Variants in HPS5 observed in about 807,000 individuals in gnomAD.
HPS5 encodes BLOC-2 complex member HPS5.
In HPS5, 83 loss-of-function variants were observed where a neutral mutation model predicts 128.0. The ratio of observed to expected loss-of-function variants is 0.65; its 90% CI spans 0.54 to 0.78. The LOEUF (loss-of-function observed/expected upper bound fraction) is 0.78, where lower values mean the gene tolerates loss of function less well. Among genes scored for constraint, HPS5 ranks in the 30% least tolerant of loss-of-function variants. The probability of loss-of-function intolerance (pLI) is 0.00; values close to 1 mark genes in which losing one functional copy is unlikely to be tolerated. For missense variants in HPS5, 1,281 were observed against 1,326.2 expected (o/e 0.97, Z 0.53); for synonymous variants, 475 against 470.2 (o/e 1.01, Z -0.13).
At chr11:18,285,091 T>G (rs1295497845) in intron 20 of HPS5, among the ~76,000 whole-genome samples, 2 of 148,614 alleles carry the variant, frequency 1.3e-5, no homozygotes, top group African/African-American at 5.0e-5. Flanking sequence ...GCCTGAGAAC[T>G]GGGGCTGGCA....
chr11:18,287,447 A>T, intron 18 of HPS5, 88 bp downstream of exon 18: 1 of 1,429,728 alleles, frequency 7.0e-7, no homozygotes, highest in Non-Finnish European at 9.9e-7. Flanking sequence ...TTGGTAATTA[A>T]CAGTACACAA....
intron 4 of HPS5, 29 bp from the exon 5 acceptor site, chr11:18,310,962 GT>G: frequency 2.6e-6 from 4 of 1,568,254 alleles, no homozygotes; most frequent in Non-Finnish European, 3.5e-6. Flanking sequence ...AGAGGCAAAC[GT>G]GGCAACAGTG....
intron 7 of HPS5, 85 bp from the exon 8 acceptor site, chr11:18,305,578 T>C: frequency 9.7e-7 from 1 of 1,036,164 alleles, no homozygotes; most frequent in Middle Eastern, 2.7e-4. Context: ...GGGAAATTTT[T>C]GCCTCCAAAA....
In HPS5 at chr11:18,305,383, T is replaced by A. The variant is rs747270031; in HGVS notation, c.896+39A>T. ...GAAACAGAGATAAAAATCTAAGTAT[T>A]CTTTTTCCCCCCCAGAACTAAGGAA... On this transcript the variant is annotated intron_variant, in intron 8 of 22. Transcript: ENST00000349215. 8.3e-6 allele frequency: 11 copies of A among 1,329,450 alleles called. No homozygotes were observed. The East Asian group carries it at 2.5e-4, about 31-fold the overall frequency. The allele number at this position is 1,329,450 out of a possible 1,614,324, so 82.4% of individuals were successfully genotyped here. A position where few individuals can be genotyped will look rare whatever the true frequency, so the allele number is the denominator to read the frequency against.
intron 19 of HPS5, among the ~76,000 whole-genome samples, chr11:18,285,675 A>T (rs1418186837): frequency 1.3e-5 from 2 of 152,218 alleles, no homozygotes; most frequent in African/African-American, 4.8e-5. Flanking sequence ...AAGCAAAAGA[A>T]ATAAATTCTT....
At chr11:18,305,099 T>G (rs1862197254) in intron 8 of HPS5, among the ~76,000 whole-genome samples, 1 of 152,208 alleles carries the variant, frequency 6.6e-6, no homozygotes, top group South Asian at 2.1e-4. Flanking sequence ...TGTGGCAGAT[T>G]TTGATCTGGG....
At chr11:18,285,688 T>C (rs960603376) in intron 19 of HPS5, among the ~76,000 whole-genome samples, 1 of 152,204 alleles carries the variant, frequency 6.6e-6, no homozygotes, top group Non-Finnish European at 1.5e-5. Flanking sequence ...AAATTCTTTT[T>C]TCTTCTTTTA....
chr11:18,305,389 T>G (rs538145495), intron 8 of HPS5, 33 bp downstream of exon 8: 1 of 1,372,196 alleles, frequency 7.3e-7, no homozygotes, highest in Non-Finnish European at 1.0e-6. Flanking sequence ...GTATTCTTTT[T>G]CCCCCCCAGA....
intron 5 of HPS5, among the ~76,000 whole-genome samples, chr11:18,310,178 C>T (rs1040424162): frequency 1.1e-4 from 16 of 152,170 alleles, no homozygotes; most frequent in Admixed American, 9.2e-4. Flanking sequence ...CTGGAGCATT[C>T]TGTTAGGGTA....
intron 16 of HPS5, among the ~76,000 whole-genome samples, chr11:18,290,096 G>C (rs1464184336): frequency 6.6e-6 from 1 of 152,146 alleles, no homozygotes; most frequent in Non-Finnish European, 1.5e-5. Context: ...CCACTACCAG[G>C]CCAGGCCTAT....
intron 16 of HPS5, among the ~76,000 whole-genome samples, chr11:18,289,037 A>C (rs1368399806): frequency 6.6e-6 from 1 of 152,100 alleles, no homozygotes; most frequent in Non-Finnish European, 1.5e-5. Context: ...ACGTTGCCTA[A>C]GCTGGGCAAG....
At position 18,296,048 on chromosome 11, in the gene HPS5, G is replaced by A; in HGVS notation, c.1585C>T (p.Pro529Ser). The A allele has an allele frequency of 6.2e-7, 1 of 1,613,478 alleles. No homozygotes were observed. Among genetic ancestry groups the A allele is most frequent in the South Asian group, 1.1e-5 (1 of 91,070 alleles). The change falls in exon 13 of 23, where the codon CCA becomes TCA. Residue 529 changes from proline (P) to serine (S), a missense_variant. Coordinates refer to ENST00000349215, the MANE Select transcript of HPS5 (RefSeq NM_181507.2). Reference protein sequence around the residue: ...ETFLPFGIPLPFRSPSPLVSL... With the variant: ...ETFLPFGIPLSFRSPSPLVSL... Reference sequence around the variant, plus strand: ...ACAAGAGGAGATGGAGAACGAAATGGTAATGGAATGCCGAACGGGAGAAAA... The same window carrying A: ...ACAAGAGGAGATGGAGAACGAAATGATAATGGAATGCCGAACGGGAGAAAA...
Position 18,295,167 on chromosome 11 carries a change from A to G in HPS5, c.1637T>C (p.Val546Ala). ...AGTAGTTTTACGCACAAAGCTAGAA[A>G]CACTAGAAGTCAAATAACAAAAAAC... ...LVSLQAVKES[V>A]SSFVRKTTEK... Residue 546 changes from valine (V) to alanine (A), a missense_variant and splice_region_variant, in exon 14 of 23, where the codon GTT (valine) becomes GCT (alanine). Transcript: ENST00000349215. 1 of 1,613,946 alleles carries G rather than the reference A, an allele frequency of 6.2e-7. No homozygotes were observed. The highest frequency in any genetic ancestry group is 2.2e-5 in the East Asian group (1 of 44,878).
At position 18,286,547 on chromosome 11, in the gene HPS5, A is replaced by G. The variant is rs60183714; in HGVS notation, c.2837+44T>C. On this transcript the variant is annotated intron_variant, in intron 19 of 22. Coordinates refer to ENST00000349215, the MANE Select transcript of HPS5 (RefSeq NM_181507.2). Reference sequence around the variant, plus strand: ...ACAGAGTGAGATCCTGTCTCAAAAAAAAAAAGTAAAGAAAAAAACAAAGAA... The same window carrying G: ...ACAGAGTGAGATCCTGTCTCAAAAAGAAAAAGTAAAGAAAAAAACAAAGAA... The G allele has an allele frequency of 7.5e-6, 12 of 1,601,848 alleles. No individual in the cohort carries two copies. The East Asian group carries it at 1.8e-4, about 24-fold the overall frequency.
At chr11:18,288,757 T>TGTGTGTGTGC (rs949761494) in intron 16 of HPS5, among the ~76,000 whole-genome samples, 3 of 151,746 alleles carry the variant, frequency 2.0e-5, no homozygotes, top group African/African-American at 4.8e-5. Context: ...TGTGTGTGTG[T>TGTGTGTGTGC]GCAGCGACGG....
chr11:18,304,301 C>T (rs1217531840), intron 8 of HPS5, among the ~76,000 whole-genome samples: 1 of 151,582 alleles, frequency 6.6e-6, no homozygotes, highest in Non-Finnish European at 1.5e-5. Context: ...ACTGCAACCT[C>T]TACCTTCCAG....
In HPS5 at chr11:18,287,077, G is replaced by A. The variant is rs1352537053; in HGVS notation, c.2718-367C>T. Reference sequence around the variant, plus strand: ...GCCTGGGCAACATTGTGGCAAATGTGAACCAATCAAAAGAAGAAAGGAGGA... The same window carrying A: ...GCCTGGGCAACATTGTGGCAAATGTAAACCAATCAAAAGAAGAAAGGAGGA... On this transcript the variant is annotated intron_variant, in intron 18 of 22. Coordinates refer to ENST00000349215, the MANE Select transcript of HPS5 (RefSeq NM_181507.2). 2.6e-5 allele frequency among the ~76,000 whole-genome samples: 4 copies of A among 152,176 alleles called. No individual in the cohort carries two copies. The South Asian group carries it at 6.2e-4, about 24-fold the overall frequency.
rs540578342 is a variant in HPS5, at chr11:18,321,268, C to T, written c.-50+678G>A. Among the ~76,000 whole-genome samples, 3 of 152,340 alleles carry T rather than the reference C, an allele frequency of 2.0e-5. No homozygotes were observed. The South Asian group carries it at 6.2e-4, about 32-fold the overall frequency. The stretch of plus-strand genomic sequence containing the variant: ...TTCCCATCTTAACCTCTCTATTCTC[C>T]AACTACATTGGACTCGACTCTTTTT... On this transcript the variant is annotated intron_variant, in intron 1 of 22. Coordinates refer to ENST00000349215, the MANE Select transcript of HPS5 (RefSeq NM_181507.2).
intron 8 of HPS5, among the ~76,000 whole-genome samples, chr11:18,301,454 CAAAAAAA>C (rs899074500): frequency 4.4e-4 from 23 of 52,078 alleles, no homozygotes; most frequent in African/African-American, 1.2e-3. Flanking sequence ...GACTCTGTCT[CAAAAAAA>C]AAAAAAAAAA....
Sources: gnomAD v4.1 joint callset for allele counts (sites outside exome capture counted in the v4.1 genomes callset) on GRCh38, gnomAD v4.1.1 for gene constraint, MANE v1.5 for transcripts, NCBI Gene and HGNC (gene_info 2026-07-23, HGNC 2026-07-21) for gene names.